ELMO1: variants seen among roughly 807,000 people sequenced by gnomAD.
The protein encoded by ELMO1 is engulfment and cell motility protein 1.
Under a neutral mutation model 98.9 loss-of-function variants are expected in ELMO1, and 26 were observed. The ratio of observed to expected loss-of-function variants is 0.26; its 90% confidence interval spans 0.19 to 0.36. The LOEUF is 0.36. ELMO1 is among the 10% of genes least tolerant of loss of function. The pLI is 1.00. For missense variants in ELMO1, 627 were observed against 935.2 expected (o/e 0.67, Z 4.30); for synonymous variants, 346 against 346.0 (o/e 1.00, Z 0.00).
intron 8 of ELMO1, among the ~76,000 whole-genome samples, chr7:37,229,588 G>C (rs1440639086): frequency 2.0e-5 from 3 of 152,144 alleles, no homozygotes; most frequent in African/African-American, 7.2e-5. Flanking sequence ...TCTTTTGTCA[G>C]CCCATTTCCT....
rs566296562 is a variant in ELMO1 at position 37,013,375 on chromosome 7, T to C, written c.1361A>G (p.Glu454Gly). 5.0e-6 allele frequency: 8 copies of C among 1,614,026 alleles called. No homozygotes were observed. In the East Asian group the frequency reaches 1.8e-4, roughly 36 times the overall value. Reference protein sequence around the residue: ...MFFTHDRSFEEFFCICIQLLN... With the variant: ...MFFTHDRSFEGFFCICIQLLN... ...GAGCTGGATACAGATGCAGAAAAAC[T>C]CCTCAAAGGATCTGTCGTGGGTGAA... The change falls in exon 16 of 22, where the codon GAG becomes GGG. Residue 454 changes from glutamate (E) to glycine (G), a missense_variant. Physicochemically the swap from Glu to Gly is moderately conservative, Grantham distance 98. Transcript: ENST00000310758.
At chr7:37,167,038 T>A (rs1789754103) in intron 13 of ELMO1, among the ~76,000 whole-genome samples, 1 of 152,144 alleles carries the variant, frequency 6.6e-6, no homozygotes, top group Non-Finnish European at 1.5e-5. Flanking sequence ...TGGGTGCATA[T>A]ATATTTAGGA....
In ELMO1 at chr7:37,378,957, CT is replaced by C. The variant is rs1802477412; in HGVS notation, c.-73-36195del. Among the ~76,000 whole-genome samples, 4 of 152,156 alleles carry C rather than the reference CT, an allele frequency of 2.6e-5. No homozygotes were observed. The South Asian group carries it at 8.3e-4, about 32-fold the overall frequency. ...TACACTCCAGAGAACTGTAAAATATCTTATTACTTCCCTGCTCAGAATCCTT... is the reference window on the plus strand; with the variant it reads ...TACACTCCAGAGAACTGTAAAATATCTATTACTTCCCTGCTCAGAATCCTT... On this transcript the variant is annotated intron_variant, in intron 1 of 21. Transcript: ENST00000310758.
intron 1 of ELMO1, among the ~76,000 whole-genome samples, chr7:37,395,483 T>G (rs1267048472): frequency 6.6e-6 from 1 of 152,090 alleles, no homozygotes; most frequent in Admixed American, 6.5e-5. Flanking sequence ...CAGCCCATCA[T>G]TGACTTAATT....
chr7:37,096,700 C>G lies in ELMO1; in HGVS notation c.1219G>C (p.Asp407His). The change falls in exon 15 of 22, where the codon GAC becomes CAC. Residue 407 changes from aspartate (D) to histidine (H), a missense_variant. Around this residue, in one of 3 missense-constraint regions of ELMO1, gnomAD observed 492 missense variants for 715.6 expected, o/e 0.69. Coordinates refer to ENST00000310758, the MANE Select transcript of ELMO1 (RefSeq NM_014800.11). ...CGGCCAAAGGGACATTCATGCTTGT[C>G]TTCTCGACTACTGTTCTCAAGCACA... ...RIVLENSSRE[D>H]KHECPFGRSS... 6.2e-7 allele frequency: 1 copy of G among 1,614,132 alleles called. No homozygotes were observed.
chr7:36,986,004 C>G (rs529658562), intron 16 of ELMO1: 2 of 1,002,634 alleles, frequency 2.0e-6, no homozygotes, highest in South Asian at 4.7e-5. Flanking sequence ...AGAGTCGTCC[C>G]CCTGAAGAAC....
In ELMO1 at chr7:36,957,498, G is replaced by GT. The variant is rs1369760767; in HGVS notation, c.1437+55800dup. ...TTCCCTCTCTTTATCATCATTCTTAGTAACTTCAATATCCTCACAGATGAT... is the reference window on the plus strand; with the variant it reads ...TTCCCTCTCTTTATCATCATTCTTAGTTAACTTCAATATCCTCACAGATGAT... On this transcript the variant is annotated intron_variant, in intron 16 of 21. Transcript: ENST00000310758. Among the ~76,000 whole-genome samples the GT allele has an allele frequency of 2.0e-5, 3 of 152,064 alleles. 1 individual carries two copies. The highest frequency in any genetic ancestry group is 2.0e-4 in the Admixed American group (3 of 15,268).
chr7:37,229,900 A>G (rs1287559236), intron 8 of ELMO1, among the ~76,000 whole-genome samples: 1 of 152,182 alleles, frequency 6.6e-6, no homozygotes, highest in East Asian at 1.9e-4. Context: ...TACATTTAAT[A>G]TGATTTTTGA....
At chr7:36,988,498 C>T (rs1232665069) in intron 16 of ELMO1, among the ~76,000 whole-genome samples, 1 of 152,210 alleles carries the variant, frequency 6.6e-6, no homozygotes, top group Admixed American at 6.5e-5. Context: ...GCCTTACAAC[C>T]TGCAGACTCT....
chr7:37,092,915 CTTTT>C (rs79327023), intron 15 of ELMO1, among the ~76,000 whole-genome samples: 1 of 137,036 alleles, frequency 7.3e-6, no homozygotes. Context: ...CTTTCTTTTT[CTTTT>C]TTTTTTTTTT....
chr7:37,253,587 G>C (rs1397987592), intron 6 of ELMO1, among the ~76,000 whole-genome samples: 2 of 152,112 alleles, frequency 1.3e-5, no homozygotes, highest in African/African-American at 4.8e-5. Context: ...GAGGGTGAGA[G>C]GCTAGGGTAG....
rs1425987496 is a variant in ELMO1 at position 37,323,100 on chromosome 7, C to A, written c.79-7140G>T. Among the ~76,000 whole-genome samples the A allele has an allele frequency of 3.3e-5, 5 of 152,146 alleles. No individual in the cohort carries two copies. In the South Asian group the frequency reaches 8.3e-4, roughly 25 times the overall value. ...CCATTCCCCTTCCCAACAATGAGGT[C>A]ATCTTGCAGCATATCAAAGTCTTTC... On this transcript the variant is annotated intron_variant, in intron 2 of 21. Transcript: ENST00000310758.
chr7:37,048,220 T>C (rs995685212), intron 15 of ELMO1, among the ~76,000 whole-genome samples: 2 of 152,190 alleles, frequency 1.3e-5, no homozygotes, highest in Non-Finnish European at 2.9e-5. Flanking sequence ...CCCCCACAAG[T>C]TGGGACAACC....
chr7:37,266,117 C>T (rs1351981397), intron 5 of ELMO1, among the ~76,000 whole-genome samples: 1 of 152,220 alleles, frequency 6.6e-6, no homozygotes, highest in Admixed American at 6.5e-5. Flanking sequence ...TGTGTCGCCT[C>T]TGCCTGCCAG....
intron 14 of ELMO1, among the ~76,000 whole-genome samples, chr7:37,112,195 CA>C (rs1362442062): frequency 6.6e-6 from 1 of 151,940 alleles, no homozygotes; most frequent in Non-Finnish European, 1.5e-5. Flanking sequence ...GGGCATAGGG[CA>C]AAAGAGATGG....
intron 14 of ELMO1, among the ~76,000 whole-genome samples, chr7:37,118,041 G>A (rs1199206693): frequency 6.6e-6 from 1 of 152,234 alleles, no homozygotes; most frequent in East Asian, 1.9e-4. Flanking sequence ...AAAAACTGTT[G>A]TGCACTAAGC....
intron 13 of ELMO1, among the ~76,000 whole-genome samples, chr7:37,176,737 G>A (rs543129600): frequency 1.3e-5 from 2 of 152,210 alleles, no homozygotes; most frequent in East Asian, 3.9e-4. Context: ...AATAACTAAC[G>A]GATGCACTGT....
intron 14 of ELMO1, among the ~76,000 whole-genome samples, chr7:37,129,137 G>A (rs1345117528): frequency 6.6e-6 from 1 of 151,866 alleles, no homozygotes; most frequent in Admixed American, 6.6e-5. Context: ...CATTTATATA[G>A]ACAAAGGCTA....
chr7:37,258,676 T>C (rs985416316), intron 6 of ELMO1, among the ~76,000 whole-genome samples: 1 of 152,222 alleles, frequency 6.6e-6, no homozygotes, highest in Non-Finnish European at 1.5e-5. Context: ...TATTTAATCA[T>C]TCAAGTGTTA....
Sources: gnomAD v4.1 joint callset for allele counts (sites outside exome capture counted in the v4.1 genomes callset) on GRCh38, gnomAD v4.1.1 for gene constraint, gnomAD v4.1.1 regional missense constraint, MANE v1.5 for transcripts, NCBI Gene and HGNC (gene_info 2026-07-23, HGNC 2026-07-21) for gene names.